CNDP2: variants seen among roughly 807,000 people sequenced by gnomAD.
CNDP2 encodes carnosine dipeptidase 2, also known as cytosolic non-specific dipeptidase.
Under a neutral mutation model 55.0 loss-of-function variants are expected in CNDP2, and 38 were observed. That is an observed-to-expected ratio of 0.69 (90% CI 0.53 to 0.90). The LOEUF (loss-of-function observed/expected upper bound fraction) is 0.90. Ranked by LOEUF, CNDP2 falls within the 40% of genes least tolerant of loss-of-function variation. The pLI is 0.00. For synonymous variants in CNDP2, 241 were observed against 260.2 expected (o/e 0.93, Z 0.71); for missense variants, 607 against 621.7 (o/e 0.98, Z 0.25).
In CNDP2 at chr18:74,522,290, T is replaced by G. The variant is rs939915776; in HGVS notation, c.*2222T>G. The G allele has an allele frequency of 1.3e-5, 2 of 152,230 alleles. No individual in the cohort carries two copies. The highest frequency in any genetic ancestry group is 2.9e-5 in the Non-Finnish European group (2 of 68,058). The allele number at this position is 152,230 out of a possible 1,614,324, so 9.4% of individuals were successfully genotyped here. A position where few individuals can be genotyped will look rare whatever the true frequency, so the allele number is the denominator to read the frequency against. On this transcript the variant is annotated 3_prime_UTR_variant, in exon 12 of 12. Transcript: ENST00000324262. Reference sequence around the variant, plus strand: ...TCTGGGCTTGTGGCTCCAACTCAACTCCTCCATCAGAACTGTGAGAAATGC... The same window carrying G: ...TCTGGGCTTGTGGCTCCAACTCAACGCCTCCATCAGAACTGTGAGAAATGC...
intron 9 of CNDP2, chr18:74,516,852 G>C (rs1355704571): frequency 6.3e-6 from 1 of 159,204 alleles, no homozygotes; most frequent in African/African-American, 2.4e-5. Context: ...CTGAGGTCTT[G>C]TCACGAGGAG....
Position 74,513,545 on chromosome 18 carries a change from C to G in CNDP2, c.743-14C>G. The stretch of plus-strand genomic sequence containing the variant: ...CCTCCCCTGAGTGCTGTAACCCTCT[C>G]CGGCTTCCCTCAGGCTCTTTGGTGG... On this transcript the variant is annotated splice_polypyrimidine_tract_variant and intron_variant, in intron 7 of 11. Transcript: ENST00000324262. The G allele has an allele frequency of 6.2e-7, 1 of 1,607,334 alleles. No individual in the cohort carries two copies. Among genetic ancestry groups the G allele is most frequent in the Non-Finnish European group, 8.5e-7 (1 of 1,177,652 alleles).
intron 3 of CNDP2, among the ~76,000 whole-genome samples, chr18:74,503,856 G>A (rs1455068993): frequency 1.4e-5 from 2 of 147,850 alleles, no homozygotes; most frequent in South Asian, 2.1e-4. Context: ...CGCCACACAC[G>A]CAGCCACACT....
rs139713521 is a variant in CNDP2 at position 74,502,472 on chromosome 18, G to GTT, written c.204+1000_204+1001insTT. ...ATATGTGTGTTTTTTTTGTCTTTTT[G>GTT]GTTTTTTTTTTTGTCGGGATGGGGT... On this transcript the variant is annotated intron_variant, in intron 3 of 11. Transcript: ENST00000324262. Among the ~76,000 whole-genome samples the GTT allele has an allele frequency of 2.1e-4, 31 of 148,688 alleles. 2 individuals are homozygous for GTT. Among genetic ancestry groups the GTT allele is most frequent in the East Asian group, 1.2e-3 (6 of 4,970 alleles).
chr18:74,519,587 C>G (rs1461816837), intron 11 of CNDP2, among the ~76,000 whole-genome samples: 1 of 152,116 alleles, frequency 6.6e-6, no homozygotes, highest in African/African-American at 2.4e-5. Context: ...GGGCAGAAGG[C>G]AAGAATGCAT....
Position 74,513,667 on chromosome 18 carries a change from T to G in CNDP2, c.851T>G (p.Ile284Arg). ...HKLYDDIDFDIEEFAKDVGAQ... is the reference protein window; with the variant it reads ...HKLYDDIDFDREEFAKDVGAQ... ...CTGTACGACGACATCGACTTTGACA[T>G]AGAGGAGTTTGCCAAGGATGTGGGG... is the stretch of plus-strand genomic sequence containing the variant. The change falls in exon 8 of 12, where the codon ATA becomes AGA. Residue 284 changes from isoleucine (I) to arginine (R), a missense_variant. Transcript: ENST00000324262. 1.9e-6 allele frequency: 3 copies of G among 1,614,042 alleles called. No individual in the cohort carries two copies. Among genetic ancestry groups the G allele is most frequent in the Non-Finnish European group, 2.5e-6 (3 of 1,179,994 alleles).
Position 74,521,080 on chromosome 18 carries a change from C to T in CNDP2, c.*1012C>T, listed in dbSNP as rs1980019626. 1 of 152,166 alleles carries T rather than the reference C, an allele frequency of 6.6e-6. No individual in the cohort carries two copies. Among genetic ancestry groups the T allele is most frequent in the Admixed American group, 6.5e-5 (1 of 15,278 alleles). 9.4% of individuals were successfully genotyped at this position (152,166 alleles called of 1,614,324 possible). A position where few individuals can be genotyped will look rare whatever the true frequency, so the allele number is the denominator to read the frequency against. Reference sequence around the variant, plus strand: ...TCACTAACTGGAAGGATGATTTTGTCTCAGTTTGTACTCCTAAATAAAAAG... The same window carrying T: ...TCACTAACTGGAAGGATGATTTTGTTTCAGTTTGTACTCCTAAATAAAAAG... On this transcript the variant is annotated 3_prime_UTR_variant, in exon 12 of 12. Transcript: ENST00000324262.
chr18:74,519,972 A>C, intron 11 of CNDP2, 27 bp from the exon 12 acceptor site: 1 of 1,610,902 alleles, frequency 6.2e-7, no homozygotes, highest in Non-Finnish European at 8.5e-7. Flanking sequence ...ACACCAGCCA[A>C]CACAATGATG....
intron 11 of CNDP2, among the ~76,000 whole-genome samples, chr18:74,519,668 T>C (rs1294758955): frequency 6.6e-6 from 1 of 151,820 alleles, no homozygotes; most frequent in Non-Finnish European, 1.5e-5. Context: ...GAGGGAGGGG[T>C]GACAGAGACC....
chr18:74,503,208 TA>T (rs1238601661), intron 3 of CNDP2, among the ~76,000 whole-genome samples: 1 of 152,180 alleles, frequency 6.6e-6, no homozygotes, highest in African/African-American at 2.4e-5. Flanking sequence ...GGGCCTTTCA[TA>T]AAAAACTAAA....
chr18:74,497,390 C>G (rs1387073530), intron 1 of CNDP2: 1 of 152,202 alleles, frequency 6.6e-6, no homozygotes, highest in African/African-American at 2.4e-5. Context: ...GGGACAGGGA[C>G]TGAGATTCTC....
chr18:74,513,654 A>G lies in CNDP2; in HGVS notation c.838A>G (p.Ile280Val). The G allele has an allele frequency of 1.9e-6, 3 of 1,614,110 alleles. No individual in the cohort carries two copies. Among genetic ancestry groups the G allele is most frequent in the African/African-American group, 1.3e-5 (1 of 75,060 alleles). Residue 280 changes from isoleucine (I) to valine (V), a missense_variant, in exon 8 of 12, where the codon ATC becomes GTC. Ile to Val is a conservative substitution (Grantham distance 29). Coordinates refer to ENST00000324262, the MANE Select transcript of CNDP2 (RefSeq NM_018235.3). Reference sequence around the variant, plus strand: ...AGAGGAGCACAAGCTGTACGACGACATCGACTTTGACATAGAGGAGTTTGC... The same window carrying G: ...AGAGGAGCACAAGCTGTACGACGACGTCGACTTTGACATAGAGGAGTTTGC... ...TEEEHKLYDD[I>V]DFDIEEFAKD...
chr18:74,499,801 GC>G (rs2144568984), intron 1 of CNDP2, 80 bp from the exon 2 acceptor site: 2 of 494,894 alleles, frequency 4.0e-6, no homozygotes, highest in Non-Finnish European at 7.2e-6. Context: ...ACTTCCTGGA[GC>G]GTCTCTGGCT....
chr18:74,512,736 C>T (rs1045657068), intron 7 of CNDP2, among the ~76,000 whole-genome samples: 2 of 152,190 alleles, frequency 1.3e-5, no homozygotes, highest in Non-Finnish European at 2.9e-5. Flanking sequence ...TGAAACCCTC[C>T]TGTGCCTGTC....
At chr18:74,509,216 GTC>G (rs1599065623) in intron 5 of CNDP2, 6 of 407,032 alleles carry the variant, frequency 1.5e-5, no homozygotes, top group East Asian at 1.2e-4. Flanking sequence ...GTCCCTGCCT[GTC>G]TCTGTGAGTG....
At position 74,508,900 on chromosome 18, in the gene CNDP2, C is replaced by A; in HGVS notation, c.428C>A (p.Ala143Asp). The A allele has an allele frequency of 6.2e-7, 1 of 1,614,030 alleles. No individual in the cohort carries two copies. The highest frequency in any genetic ancestry group is 1.1e-5 in the South Asian group (1 of 91,074). ...GGCCCGGTGGCCGGCTGGATAAACG[C>A]CCTGGAAGCGTATCAGAAAACAGGC... ...DKGPVAGWIN[A>D]LEAYQKTGQE... The change falls in exon 5 of 12, where the codon GCC becomes GAC. Residue 143 changes from alanine to aspartate, a missense_variant. Ala to Asp is a moderately radical substitution (Grantham distance 126). Transcript: ENST00000324262.
chr18:74,512,369 C>T, intron 6 of CNDP2, 79 bp from the exon 7 acceptor site: 2 of 1,322,526 alleles, frequency 1.5e-6, no homozygotes, highest in South Asian at 1.3e-5. Context: ...TGTAAATGCT[C>T]TTTGTTGAAT....
chr18:74,501,372 C>T lies in CNDP2; in HGVS notation c.104C>T (p.Pro35Leu), dbSNP rs151185140. The change falls in exon 3 of 12, where the codon CCG becomes CTG. Residue 35 changes from proline (P) to leucine (L), a missense_variant. By Grantham distance (98) the Pro-to-Leu change is moderately conservative. Transcript: ENST00000324262. ...GCTATCCAGAGTGTGTCTGCGTGGC[C>T]GGAGAAGAGAGGCGAAATCAGGAGG... ...WVAIQSVSAW[P>L]EKRGEIRRMM... The T allele has an allele frequency of 3.2e-3, 5,143 of 1,613,924 alleles. 18 individuals carry two copies. The highest frequency in any genetic ancestry group is 6.9e-3 in the South Asian group (627 of 91,066).
Position 74,506,015 on chromosome 18 carries a change from AGCGCCGC to A in CNDP2, c.367+10_367+16del, listed in dbSNP as rs747103665. The A allele has an allele frequency of 1.3e-5, 20 of 1,577,216 alleles. No individual in the cohort carries two copies. The East Asian group carries it at 4.5e-4, about 36-fold the overall frequency. ...TTCACCCTGGTGGAGCGAGACGGTG[AGCGCCGC>A]GCGCCTATGCGTGCCCAGAGGAAAG... On this transcript the variant is annotated splice_donor_5th_base_variant and intron_variant, in intron 4 of 11. Transcript: ENST00000324262.
Sources: allele counts gnomAD v4.1 joint callset (sites outside exome capture counted in the v4.1 genomes callset), GRCh38; gene constraint gnomAD v4.1.1; transcripts MANE v1.5; gene names NCBI Gene and HGNC (gene_info 2026-07-23, HGNC 2026-07-21).